DIP2C: variants seen among roughly 807,000 people sequenced by gnomAD.
DIP2C encodes DIP2 acetate--CoA ligase C (putative).
In DIP2C, 33 loss-of-function variants were observed where a neutral mutation model predicts 192.4. The observed-to-expected ratio is 0.17, with a 90% CI of 0.13 to 0.23. The LOEUF is 0.23. Among genes scored for constraint, DIP2C ranks in the 10% least tolerant of loss-of-function variants. The probability of loss-of-function intolerance (pLI) is 1.00; values close to 1 mark genes in which losing one functional copy is unlikely to be tolerated. For synonymous variants in DIP2C, 979 were observed against 864.1 expected (o/e 1.13, Z -2.33); for missense variants, 1,537 against 2,110.1 (o/e 0.73, Z 5.32).
At chr10:289,479 G>A (rs1955364259) in intron 32 of DIP2C, among the ~76,000 whole-genome samples, 1 of 152,122 alleles carries the variant, frequency 6.6e-6, no homozygotes, top group Admixed American at 6.5e-5. Context: ...TGTTGCTTAG[G>A]CTGGTCTCAA....
chr10:286,365 A>T lies in DIP2C; in HGVS notation c.4045-18T>A. The stretch of plus-strand genomic sequence containing the variant: ...GGAAGTATCTATTTGGGAGAGGAAA[A>T]GTCTCTTGTCAATGGGAGGAATACA... On this transcript the variant is annotated intron_variant, in intron 33 of 36. Transcript: ENST00000280886. 6.2e-7 allele frequency: 1 copy of T among 1,612,208 alleles called. No individual in the cohort carries two copies. The highest frequency in any genetic ancestry group is 8.5e-7 in the Non-Finnish European group (1 of 1,178,226).
chr10:565,965 G>A (rs1225655545), intron 1 of DIP2C, among the ~76,000 whole-genome samples: 1 of 152,162 alleles, frequency 6.6e-6, no homozygotes, highest in African/African-American at 2.4e-5. Context: ...CTCTCCTGCT[G>A]GAGGCAGCAC....
intron 1 of DIP2C, among the ~76,000 whole-genome samples, chr10:584,358 G>A (rs891416021): frequency 6.6e-6 from 1 of 152,058 alleles, no homozygotes; most frequent in Non-Finnish European, 1.5e-5. Flanking sequence ...TCAGTTGACA[G>A]ATTCCAAATC....
At position 522,816 on chromosome 10, in the gene DIP2C, G is replaced by A. The variant is rs557528279; in HGVS notation, c.86-36286C>T. Among the ~76,000 whole-genome samples the A allele has an allele frequency of 3.3e-4, 50 of 152,318 alleles. No homozygotes were observed. In the South Asian group the frequency reaches 3.7e-3, roughly 11 times the overall value. Reference sequence around the variant, plus strand: ...AGCCTTTTGTAGATACGTTCTCCCCGTCTGCGTGGCCCACAAGCTCGTTTC... The same window carrying A: ...AGCCTTTTGTAGATACGTTCTCCCCATCTGCGTGGCCCACAAGCTCGTTTC... On this transcript the variant is annotated intron_variant, in intron 1 of 36. Transcript: ENST00000280886.
chr10:425,023 C>T (rs1297227622), intron 4 of DIP2C, among the ~76,000 whole-genome samples: 4 of 135,990 alleles, frequency 2.9e-5, no homozygotes, highest in African/African-American at 1.1e-4. Context: ...ACTAATACGA[C>T]ACGGATGATA....
At chr10:374,502 G>C (rs1413360109) in intron 17 of DIP2C, among the ~76,000 whole-genome samples, 1 of 152,208 alleles carries the variant, frequency 6.6e-6, no homozygotes, top group Non-Finnish European at 1.5e-5. Flanking sequence ...AGGGGCAGGG[G>C]CGAGGAGGGC....
chr10:653,223 C>T (rs1380350488), intron 1 of DIP2C, among the ~76,000 whole-genome samples: 2 of 152,034 alleles, frequency 1.3e-5, no homozygotes, highest in Non-Finnish European at 2.9e-5. Flanking sequence ...CCAAGGTGGG[C>T]AGATCACTTG....
At chr10:486,624 TTC>T (rs1665135710) in intron 1 of DIP2C, 94 bp from the exon 2 acceptor site, 2 of 1,018,446 alleles carry the variant, frequency 2.0e-6, no homozygotes, top group Non-Finnish European at 2.8e-6. Flanking sequence ...TCACAGTATC[TTC>T]TGTGTGCCTC....
chr10:592,830 G>A lies in DIP2C; in HGVS notation c.85+96664C>T, dbSNP rs140148969. 3.4e-3 allele frequency among the ~76,000 whole-genome samples: 510 copies of A among 151,646 alleles called. 4 individuals carry two copies. Among genetic ancestry groups the A allele is most frequent in the Admixed American group, 5.9e-3 (90 of 15,280 alleles). The stretch of plus-strand genomic sequence containing the variant: ...GTAGAATGGAAACCTGAAGATGTAC[G>A]AGCCGTCCCTGCTCGTGTAGAAATC... On this transcript the variant is annotated intron_variant, in intron 1 of 36. Transcript: ENST00000280886.
intron 9 of DIP2C, among the ~76,000 whole-genome samples, chr10:404,944 T>C (rs1964696867): frequency 6.6e-6 from 1 of 152,246 alleles, no homozygotes; most frequent in Non-Finnish European, 1.5e-5. Flanking sequence ...GAACAAACAG[T>C]ATTCAGTTAA....
chr10:286,646 T>A (rs1955152276), intron 33 of DIP2C, among the ~76,000 whole-genome samples: 1 of 152,070 alleles, frequency 6.6e-6, no homozygotes, highest in South Asian at 2.1e-4. Context: ...CTATTGAAAA[T>A]CATGAAAATA....
chr10:587,719 C>G (rs1314923325), intron 1 of DIP2C, among the ~76,000 whole-genome samples: 5 of 117,752 alleles, frequency 4.2e-5, no homozygotes, highest in Non-Finnish European at 3.5e-5. Flanking sequence ...CCCTGACCCT[C>G]CTGAAACCCC....
chr10:281,628 G>A (rs1383413828), intron 35 of DIP2C, among the ~76,000 whole-genome samples: 2 of 152,192 alleles, frequency 1.3e-5, no homozygotes, highest in South Asian at 2.1e-4. Context: ...CATGTTCATC[G>A]GGAGCAACTG....
At chr10:518,062 A>G (rs1190449051) in intron 1 of DIP2C, among the ~76,000 whole-genome samples, 2 of 152,218 alleles carry the variant, frequency 1.3e-5, no homozygotes. Flanking sequence ...CATGGAAAGC[A>G]CACCCCGATA....
intron 3 of DIP2C, among the ~76,000 whole-genome samples, chr10:459,094 C>T (rs1589841946): frequency 6.6e-6 from 1 of 151,914 alleles, no homozygotes; most frequent in South Asian, 2.1e-4. Flanking sequence ...AAGCTTTTGC[C>T]AGTGGGGCTA....
chr10:566,187 CT>C (rs1295941197), intron 1 of DIP2C, among the ~76,000 whole-genome samples: 1 of 152,060 alleles, frequency 6.6e-6, no homozygotes, highest in Non-Finnish European at 1.5e-5. Flanking sequence ...TTTTTTGCCC[CT>C]TTTTAAACTG....
chr10:471,231 T>C (rs912660461), intron 3 of DIP2C, among the ~76,000 whole-genome samples: 2 of 152,112 alleles, frequency 1.3e-5, no homozygotes, highest in Non-Finnish European at 2.9e-5. Flanking sequence ...CTCTCAGGTG[T>C]GTCCTCTTTT....
intron 31 of DIP2C, chr10:325,138 A>G (rs374572643): frequency 5.8e-6 from 2 of 343,426 alleles, no homozygotes; most frequent in Non-Finnish European, 5.7e-6. Flanking sequence ...GGTGGCGAGC[A>G]CCTGTAGTCC....
At chr10:420,512 C>G (rs896089070) in intron 5 of DIP2C, among the ~76,000 whole-genome samples, 1 of 152,228 alleles carries the variant, frequency 6.6e-6, no homozygotes, top group South Asian at 2.1e-4. Flanking sequence ...CACACACCCC[C>G]TCAAGTCCTC....
Sources: allele counts gnomAD v4.1 joint callset (sites outside exome capture counted in the v4.1 genomes callset), GRCh38; gene constraint gnomAD v4.1.1; transcripts MANE v1.5; gene names NCBI Gene and HGNC (gene_info 2026-07-23, HGNC 2026-07-21).